Variants in ZSWIM6 observed in about 807,000 individuals in gnomAD.
ZSWIM6 encodes zinc finger SWIM-type containing 6.
In ZSWIM6, 9 loss-of-function variants were observed where a neutral mutation model predicts 113.2. The ratio of observed to expected loss-of-function variants is 0.08; its 90% CI spans 0.05 to 0.14. ZSWIM6 has a LOEUF of 0.14. ZSWIM6 is among the 10% of genes least tolerant of loss of function. The probability of loss-of-function intolerance (pLI) is 1.00; values close to 1 mark genes in which losing one functional copy is unlikely to be tolerated. For missense variants in ZSWIM6, 1,162 were observed against 1,552.2 expected (o/e 0.75, Z 4.22); for synonymous variants, 611 against 606.5 (o/e 1.01, Z -0.11).
At position 61,545,649 on chromosome 5, in the gene ZSWIM6, T is replaced by G. The variant is rs1749868974; in HGVS notation, c.*1332T>G. 6.6e-6 allele frequency: 1 copy of G among 152,150 alleles called. No individual in the cohort carries two copies. Among genetic ancestry groups the G allele is most frequent in the South Asian group, 2.1e-4 (1 of 4,826 alleles). 9.4% of individuals were successfully genotyped at this position (152,150 alleles called of 1,614,324 possible). On this transcript the variant is annotated 3_prime_UTR_variant, in exon 14 of 14. Coordinates refer to ENST00000252744, the MANE Select transcript of ZSWIM6 (RefSeq NM_020928.2). ...TGTGTAGGTATGACTGTTCTACTTTTCAGTTTTCTTTTTTTTTAATATATT... is the reference window on the plus strand; with the variant it reads ...TGTGTAGGTATGACTGTTCTACTTTGCAGTTTTCTTTTTTTTTAATATATT...
intron 4 of ZSWIM6, among the ~76,000 whole-genome samples, chr5:61,509,955 C>T: frequency 6.6e-6 from 1 of 152,038 alleles, no homozygotes; most frequent in East Asian, 1.9e-4. Context: ...CCAAGTCTTT[C>T]ATCACAATGG....
chr5:61,539,629 C>T lies in ZSWIM6; in HGVS notation c.2573C>T (p.Ser858Phe). 1 of 1,551,900 alleles carries T rather than the reference C, an allele frequency of 6.4e-7. No homozygotes were observed. The highest frequency in any genetic ancestry group is 8.7e-7 in the Non-Finnish European group (1 of 1,146,956). Reference sequence around the variant, plus strand: ...CGGAGGCTGGAAACAGTATTAGAATCCATCCAGAAAAACATTCACTCCTCA... The same window carrying T: ...CGGAGGCTGGAAACAGTATTAGAATTCATCCAGAAAAACATTCACTCCTCA... ...DVRRLETVLE[S>F]IQKNIHSSSH... Residue 858 changes from serine to phenylalanine, a missense_variant, in exon 12 of 14, where the codon TCC becomes TTC. Coordinates refer to ENST00000252744, the MANE Select transcript of ZSWIM6 (RefSeq NM_020928.2).
intron 1 of ZSWIM6, among the ~76,000 whole-genome samples, chr5:61,412,710 T>A (rs181175590): frequency 1.3e-5 from 2 of 152,344 alleles, no homozygotes; most frequent in Non-Finnish European, 2.9e-5. Flanking sequence ...TGCTGAAGAA[T>A]CTATGTTTTC....
At chr5:61,357,020 A>T (rs1477704082) in intron 1 of ZSWIM6, among the ~76,000 whole-genome samples, 1 of 151,794 alleles carries the variant, frequency 6.6e-6, no homozygotes, top group Non-Finnish European at 1.5e-5. Flanking sequence ...TCTCCGGTTC[A>T]ATAGCATCAT....
At chr5:61,540,916 G>GTTTTTTTTTTTTTTTTTTTTTTT in intron 12 of ZSWIM6, among the ~76,000 whole-genome samples, 1 of 94,590 alleles carries the variant, frequency 1.1e-5, no homozygotes, top group Non-Finnish European at 1.9e-5. Flanking sequence ...TATTTTGTGG[G>GTTTTTTTTTTTTTTTTTTTTTTT]TTTTTTTTTT....
At chr5:61,538,290 A>G (rs1174652559) in intron 10 of ZSWIM6, among the ~76,000 whole-genome samples, 1 of 152,220 alleles carries the variant, frequency 6.6e-6, no homozygotes, top group Non-Finnish European at 1.5e-5. Context: ...GTATGAATGG[A>G]TGGAAAAGAG....
chr5:61,445,898 G>A (rs1387449045), intron 1 of ZSWIM6, among the ~76,000 whole-genome samples: 1 of 152,146 alleles, frequency 6.6e-6, no homozygotes, highest in Non-Finnish European at 1.5e-5. Flanking sequence ...TTCCTGGTAT[G>A]CAAATTAATG....
intron 1 of ZSWIM6, among the ~76,000 whole-genome samples, chr5:61,425,313 C>T (rs1746444375): frequency 6.6e-6 from 1 of 152,168 alleles, no homozygotes; most frequent in Non-Finnish European, 1.5e-5. Flanking sequence ...AGTGGCACAT[C>T]TACATTTTAG....
chr5:61,333,366 C>G (rs1744310244), intron 1 of ZSWIM6, among the ~76,000 whole-genome samples: 1 of 151,876 alleles, frequency 6.6e-6, no homozygotes, highest in Non-Finnish European at 1.5e-5. Context: ...GGGGCGCGGG[C>G]CGCAGACAAT....
intron 1 of ZSWIM6, among the ~76,000 whole-genome samples, chr5:61,409,206 T>C (rs1367153203): frequency 6.6e-6 from 1 of 152,058 alleles, no homozygotes; most frequent in East Asian, 1.9e-4. Context: ...CATTTTGTTT[T>C]TGTTTTTGTT....
At chr5:61,337,934 TTTTAA>T (rs1217245051) in intron 1 of ZSWIM6, among the ~76,000 whole-genome samples, 1 of 152,134 alleles carries the variant, frequency 6.6e-6, no homozygotes, top group African/African-American at 2.4e-5. Flanking sequence ...ATCCTTGAGT[TTTTAA>T]TTTATATTGT....
At chr5:61,389,554 C>CAA (rs60533774) in intron 1 of ZSWIM6, among the ~76,000 whole-genome samples, 3,514 of 49,872 alleles carry the variant, frequency 0.07, 203 homozygotes, top group South Asian at 0.19. Flanking sequence ...GACTCAGTCT[C>CAA]AAAAAAAAAA....
intron 1 of ZSWIM6, among the ~76,000 whole-genome samples, chr5:61,399,566 A>G (rs1305147679): frequency 3.9e-5 from 6 of 152,194 alleles, no homozygotes. Flanking sequence ...TCCTCTGGTT[A>G]CAAAGCCCTC....
At position 61,542,075 on chromosome 5, in the gene ZSWIM6, C is replaced by T. The variant is rs1749755674; in HGVS notation, c.2785+110C>T. ...CTCTTTTATGTTGACTTCTCCAAGG[C>T]TCCTTCTAGCAGTCCACAAGGGCTT... On this transcript the variant is annotated intron_variant, in intron 13 of 13. Coordinates refer to ENST00000252744, the MANE Select transcript of ZSWIM6 (RefSeq NM_020928.2). 12 of 951,910 alleles carry T rather than the reference C, an allele frequency of 1.3e-5. No individual in the cohort carries two copies. In the South Asian group the frequency reaches 1.8e-4, roughly 14 times the overall value. The allele number at this position is 951,910 out of a possible 1,614,324, so 59.0% of individuals were successfully genotyped here. A position where few individuals can be genotyped will look rare whatever the true frequency, so the allele number is the denominator to read the frequency against.
At chr5:61,381,050 A>G (rs1480218091) in intron 1 of ZSWIM6, among the ~76,000 whole-genome samples, 1 of 151,332 alleles carries the variant, frequency 6.6e-6, no homozygotes, top group East Asian at 2.0e-4. Flanking sequence ...GGAGTTCAAG[A>G]CCAGCCTGGC....
chr5:61,458,678 G>A (rs1156972542), intron 1 of ZSWIM6, among the ~76,000 whole-genome samples: 1 of 151,996 alleles, frequency 6.6e-6, no homozygotes, highest in Non-Finnish European at 1.5e-5. Flanking sequence ...AGGAGTTGGA[G>A]ACCAGCCTGG....
At chr5:61,497,133 G>A (rs1194197002) in intron 4 of ZSWIM6, among the ~76,000 whole-genome samples, 1 of 151,472 alleles carries the variant, frequency 6.6e-6, no homozygotes, top group African/African-American at 2.4e-5. Context: ...AAGATTCCTG[G>A]CATGAAAGCC....
At chr5:61,521,171 T>A in intron 4 of ZSWIM6, 92 bp from the exon 5 acceptor site, 1 of 756,626 alleles carries the variant, frequency 1.3e-6, no homozygotes, top group Non-Finnish European at 1.8e-6. Flanking sequence ...ATTACATTTT[T>A]AAATTTTAAT....
intron 4 of ZSWIM6, among the ~76,000 whole-genome samples, chr5:61,497,241 T>G (rs1295086348): frequency 6.6e-6 from 1 of 152,194 alleles, no homozygotes; most frequent in Non-Finnish European, 1.5e-5. Context: ...GCCAGAAGAT[T>G]ACAAAATCTT....
Sources: allele counts gnomAD v4.1 joint callset (sites outside exome capture counted in the v4.1 genomes callset), GRCh38; gene constraint gnomAD v4.1.1; transcripts MANE v1.5; gene names NCBI Gene and HGNC (gene_info 2026-07-23, HGNC 2026-07-21).